Variants in HMGB1 observed in about 807,000 individuals in gnomAD.
HMGB1 encodes high mobility group box 1, also known as high mobility group protein B1.
For synonymous variants in HMGB1, 81 were observed against 84.0 expected (o/e 0.96, Z 0.19); for missense variants, 79 against 253.5 (o/e 0.31, Z 4.67).
At chr13:30,523,633 G>A (rs1046086553) in intron 1 of HMGB1, among the ~76,000 whole-genome samples, 5 of 152,128 alleles carry the variant, frequency 3.3e-5, no homozygotes, top group Admixed American at 3.3e-4. Flanking sequence ...GAAAGAACCA[G>A]TGTCCTTTTC....
At chr13:30,461,695 T>C (rs748310005) in intron 4 of HMGB1, 162 bp from the exon 5 acceptor site, 1 of 1,552,124 alleles carries the variant, frequency 6.4e-7, no homozygotes, top group Non-Finnish European at 8.8e-7. Context: ...AGAACTTCAA[T>C]AAATGAACAT....
chr13:30,522,855 A>G (rs889766375), intron 1 of HMGB1, among the ~76,000 whole-genome samples: 2 of 151,992 alleles, frequency 1.3e-5, no homozygotes, highest in South Asian at 4.1e-4. Flanking sequence ...AGCTGGGACT[A>G]CAAGCATGCA....
chr13:30,472,530 G>A (rs955968164), intron 1 of HMGB1, among the ~76,000 whole-genome samples: 5 of 152,198 alleles, frequency 3.3e-5, no homozygotes, highest in Non-Finnish European at 7.3e-5. Flanking sequence ...GAACCTGGGA[G>A]ACAGAGGTTG....
intron 1 of HMGB1, among the ~76,000 whole-genome samples, chr13:30,481,263 A>G (rs1001252134): frequency 3.7e-5 from 5 of 135,150 alleles, no homozygotes; most frequent in African/African-American, 5.4e-5. Flanking sequence ...TTTGATGGAG[A>G]AAAAAAAAAC....
intron 1 of HMGB1, among the ~76,000 whole-genome samples, chr13:30,557,771 G>A (rs1321552467): frequency 6.6e-6 from 1 of 152,180 alleles, no homozygotes; most frequent in Non-Finnish European, 1.5e-5. Flanking sequence ...TTTAGTCTTT[G>A]ACTGAATAGC....
chr13:30,591,507 ATT>A (rs201803303), intron 1 of HMGB1, among the ~76,000 whole-genome samples: 266 of 139,808 alleles, frequency 1.9e-3, no homozygotes, highest in African/African-American at 6.6e-3. Context: ...AGCACCAGGG[ATT>A]TTTTTTTTTT....
intron 4 of HMGB1, chr13:30,462,285 T>C (rs963940031): frequency 2.0e-6 from 1 of 492,464 alleles, no homozygotes; most frequent in East Asian, 4.1e-5. Context: ...ACCAACATTT[T>C]CATGAACTTC....
At chr13:30,585,424 A>C (rs1403232062) in intron 1 of HMGB1, among the ~76,000 whole-genome samples, 1 of 152,200 alleles carries the variant, frequency 6.6e-6, no homozygotes, top group Non-Finnish European at 1.5e-5. Flanking sequence ...ATGGTGGTTC[A>C]TGCTTGTAAT....
At chr13:30,573,368 C>A (rs938728279) in intron 1 of HMGB1, among the ~76,000 whole-genome samples, 4 of 152,088 alleles carry the variant, frequency 2.6e-5, no homozygotes, top group Non-Finnish European at 5.9e-5. Flanking sequence ...ATAATAAATT[C>A]TTTATGATTT....
intron 1 of HMGB1, among the ~76,000 whole-genome samples, chr13:30,557,298 G>A (rs1314452101): frequency 2.0e-5 from 3 of 152,082 alleles, no homozygotes; most frequent in Non-Finnish European, 4.4e-5. Flanking sequence ...ACTGAAATAA[G>A]GTGCTCCTCA....
intron 1 of HMGB1, among the ~76,000 whole-genome samples, chr13:30,577,217 G>A (rs1238962767): frequency 1.3e-5 from 2 of 151,984 alleles, no homozygotes; most frequent in African/African-American, 2.4e-5. Flanking sequence ...GTACACACCT[G>A]TGGTCCCAGC....
chr13:30,571,348 G>A (rs561897196), intron 1 of HMGB1, among the ~76,000 whole-genome samples: 1 of 150,126 alleles, frequency 6.7e-6, no homozygotes, highest in East Asian at 2.0e-4. Flanking sequence ...AGGCTGGAGT[G>A]CAGTGGCGCA....
At chr13:30,613,558 G>A (rs1293554168) in intron 1 of HMGB1, among the ~76,000 whole-genome samples, 4 of 152,138 alleles carry the variant, frequency 2.6e-5, no homozygotes, top group African/African-American at 9.7e-5. Context: ...TGATTTTAGT[G>A]TTTAAAGATT....
At chr13:30,488,921 T>A (rs991912116) in intron 1 of HMGB1, among the ~76,000 whole-genome samples, 2 of 151,784 alleles carry the variant, frequency 1.3e-5, no homozygotes, top group African/African-American at 4.8e-5. Flanking sequence ...TATATACATA[T>A]AATAATAATG....
At chr13:30,522,320 T>C (rs1028271550) in intron 1 of HMGB1, among the ~76,000 whole-genome samples, 2 of 151,968 alleles carry the variant, frequency 1.3e-5, no homozygotes, top group Non-Finnish European at 2.9e-5. Context: ...GACATGTTGG[T>C]CTCAAACTTT....
At chr13:30,597,856 T>C (rs1168921783) in intron 1 of HMGB1, among the ~76,000 whole-genome samples, 3 of 152,128 alleles carry the variant, frequency 2.0e-5, no homozygotes, top group African/African-American at 4.8e-5. Context: ...CCCTGGTGTG[T>C]AGGGTTAACA....
chr13:30,504,567 A>G (rs1212058676), intron 1 of HMGB1, among the ~76,000 whole-genome samples: 1 of 152,260 alleles, frequency 6.6e-6, no homozygotes, highest in Non-Finnish European at 1.5e-5. Context: ...GAAAACAAGT[A>G]TGACAACCAG....
exon 1 of HMGB1, chr13:30,617,176 G>C (rs1008766850): frequency 6.6e-6 from 1 of 152,218 alleles, no homozygotes; most frequent in East Asian, 1.9e-4. Flanking sequence ...AGAACGGGTC[G>C]TGGAATGCAA....
At chr13:30,581,362 A>G (rs1237499692) in intron 1 of HMGB1, among the ~76,000 whole-genome samples, 2 of 152,166 alleles carry the variant, frequency 1.3e-5, no homozygotes, top group African/African-American at 4.8e-5. Context: ...AGGCTAGAGA[A>G]GGGGATAGCA....
Sources: allele counts gnomAD v4.1 joint callset (sites outside exome capture counted in the v4.1 genomes callset), GRCh38; gene constraint gnomAD v4.1.1; transcripts MANE v1.5; gene names NCBI Gene and HGNC (gene_info 2026-07-23, HGNC 2026-07-21).